The following TACC3 variants were observed in gnomAD, a reference collection of about 807,000 sequenced individuals.
TACC3 encodes transforming acidic coiled-coil containing protein 3, also known as transforming acidic coiled-coil-containing protein 3.
Under a neutral mutation model 86.0 loss-of-function variants are expected in TACC3, and 52 were observed. The observed-to-expected ratio is 0.60, with a 90% CI of 0.48 to 0.76. TACC3 has a LOEUF of 0.76. Ranked by LOEUF, TACC3 falls within the 30% of genes least tolerant of loss-of-function variation. The pLI is 0.00. For synonymous variants in TACC3, 512 were observed against 430.0 expected (o/e 1.19, Z -2.36); for missense variants, 1,120 against 1,070.4 (o/e 1.05, Z -0.65).
rs145995704 is a variant in TACC3, at chr4:1,728,566, C to T, written c.1164C>T (p.Ser388=). 140 of 1,613,922 alleles carry T rather than the reference C, an allele frequency of 8.7e-5. No individual in the cohort carries two copies. In the African/African-American group the frequency reaches 1.5e-3, roughly 18 times the overall value. Residue 388 remains serine (S), a synonymous_variant, in exon 4 of 16, where the codon AGC becomes AGT. Coordinates refer to ENST00000313288, the MANE Select transcript of TACC3 (RefSeq NM_006342.3). ...PQEVEEDDGR[S]GAGEDPPMPA... ...AGGTGGAGGAGGACGACGGTAGGAGCGGAGCAGGAGAGGACCCCCCCATGC... is the reference window on the plus strand; with the variant it reads ...AGGTGGAGGAGGACGACGGTAGGAGTGGAGCAGGAGAGGACCCCCCCATGC...
rs145515863 is a variant in TACC3, at chr4:1,728,323, C to T, written c.921C>T (p.His307=). Residue 307 remains histidine (H), a synonymous_variant, in exon 4 of 16, where the codon CAC becomes CAT. Coordinates refer to ENST00000313288, the MANE Select transcript of TACC3 (RefSeq NM_006342.3). ...CTGAGAGCACAGCCCCAACCAACCA[C>T]CTGGTGGCTGGCAGGGCCATGACCC... The part of the protein sequence containing the change: ...SAPESTAPTN[H]LVAGRAMTLS... 1.0e-4 allele frequency: 162 copies of T among 1,612,904 alleles called. 3 individuals carry two copies. In the South Asian group the frequency reaches 1.6e-3, roughly 16 times the overall value.
rs1376485465 is a variant in TACC3 at position 1,723,458 on chromosome 4, AATG to A, written c.39_41del (p.Asn13_Glu14delinsLys). The A allele has an allele frequency of 5.6e-6, 9 of 1,613,572 alleles. No individual in the cohort carries two copies. The highest frequency in any genetic ancestry group is 6.8e-6 in the Non-Finnish European group (8 of 1,179,974). The stretch of plus-strand genomic sequence containing the variant: ...GGTCTTAAACGACAAAAATGTCAGC[AATG>A]AAAAAAATACAGAAAATTGCGACTT... On this transcript the variant is annotated inframe_deletion, in exon 2 of 16. Transcript: ENST00000313288.
chr4:1,743,551 TA>T lies in TACC3; in HGVS notation c.2224-955del, dbSNP rs924737953. On this transcript the variant is annotated intron_variant, in intron 13 of 15. Coordinates refer to ENST00000313288, the MANE Select transcript of TACC3 (RefSeq NM_006342.3). ...CTGAGTGACAGAGTGAGTCTCCGTC[TA>T]AAAAAAAAAAACAGAAACTAGAAAA... Among the ~76,000 whole-genome samples the T allele has an allele frequency of 7.5e-4, 9 of 11,988 alleles. No individual in the cohort carries two copies. The East Asian group carries it at 0.11, about 143-fold the overall frequency. The allele number at this position is 11,988 out of a possible 152,430, so 7.9% of individuals were successfully genotyped here. A position where few individuals can be genotyped will look rare whatever the true frequency, so the allele number is the denominator to read the frequency against.
At chr4:1,739,168 C>T (rs879767019) in intron 10 of TACC3, among the ~76,000 whole-genome samples, 3 of 152,040 alleles carry the variant, frequency 2.0e-5, no homozygotes, top group Admixed American at 6.6e-5. Flanking sequence ...ATTAGCCGGG[C>T]GTGGTGGTGG....
At chr4:1,731,602 C>A (rs748476755) in intron 6 of TACC3, among the ~76,000 whole-genome samples, 2 of 152,112 alleles carry the variant, frequency 1.3e-5, no homozygotes, top group Non-Finnish European at 2.9e-5. Context: ...GAGTCAACAA[C>A]TGGATACTCG....
upstream of TACC3, chr4:1,721,358 G>T (rs1486035357): frequency 7.7e-6 from 1 of 129,706 alleles, no homozygotes; most frequent in Non-Finnish European, 1.7e-5. Flanking sequence ...AAACGGAACC[G>T]TCGGCGCCCG....
At chr4:1,744,359 A>C in intron 13 of TACC3, 159 bp from the exon 14 acceptor site, 3 of 645,242 alleles carry the variant, frequency 4.6e-6, no homozygotes, top group Non-Finnish European at 8.1e-6. Flanking sequence ...TGAGCTGGGA[A>C]CTTGTGTGAA....
Position 1,735,239 on chromosome 4 carries a change from G to T in TACC3, c.1592-34G>T, listed in dbSNP as rs775420885. On this transcript the variant is annotated intron_variant, in intron 6 of 15. Coordinates refer to ENST00000313288, the MANE Select transcript of TACC3 (RefSeq NM_006342.3). This position sits in a 1 kb window ranked among gnomAD's most constrained non-coding sequence, Gnocchi z 4.2. ...CCGCCGCCCTTAGGGCCCTGGTGAG[G>T]GGCGATGGCGGCGGCATGATTCACT... 6.2e-7 allele frequency: 1 copy of T among 1,613,598 alleles called. No individual in the cohort carries two copies. Among genetic ancestry groups the T allele is most frequent in the Admixed American group, 1.7e-5 (1 of 60,022 alleles).
upstream of TACC3, chr4:1,720,766 G>C: frequency 6.3e-7 from 1 of 1,591,212 alleles, no homozygotes; most frequent in Non-Finnish European, 8.5e-7. This position sits in a 1 kb window ranked among gnomAD's most constrained non-coding sequence, Gnocchi z 4.4. Context: ...CGTGGAACTC[G>C]TTGGGCGTGA....
intron 5 of TACC3, 98 bp from the exon 6 acceptor site, chr4:1,731,074 T>TCTCC: frequency 4.4e-6 from 7 of 1,593,012 alleles, no homozygotes; most frequent in Non-Finnish European, 6.0e-6. Context: ...TCCCGCTCCC[T>TCTCC]CTCCCCCAAG....
intron 4 of TACC3, chr4:1,730,335 C>T (rs1443466127): frequency 3.8e-5 from 8 of 211,030 alleles, no homozygotes; most frequent in Admixed American, 5.3e-5. Flanking sequence ...CCGCACCCGG[C>T]GTTTCCTAGG....
intron 1 of TACC3, among the ~76,000 whole-genome samples, chr4:1,722,201 GCCTC>G (rs1717427909): frequency 6.6e-6 from 1 of 152,110 alleles, no homozygotes; most frequent in African/African-American, 2.4e-5. Flanking sequence ...CCCCTCCCGG[GCCTC>G]CATAGTCAGT....
Position 1,744,703 on chromosome 4 carries a change from C to T in TACC3, c.2331-9C>T, listed in dbSNP as rs759777082. On this transcript the variant is annotated splice_polypyrimidine_tract_variant and intron_variant, in intron 14 of 15. Coordinates refer to ENST00000313288, the MANE Select transcript of TACC3 (RefSeq NM_006342.3). ...CAGCTCAGCCTCTGCCCCGCCCCTA[C>T]CCCTCCAGGGCAAACGAGGAGATCG... 44 of 1,612,380 alleles carry T rather than the reference C, an allele frequency of 2.7e-5. No individual in the cohort carries two copies. Among genetic ancestry groups the T allele is most frequent in the Non-Finnish European group, 3.1e-5 (36 of 1,179,898 alleles).
chr4:1,744,140 C>T (rs1220515272), intron 13 of TACC3, among the ~76,000 whole-genome samples: 3 of 152,198 alleles, frequency 2.0e-5, no homozygotes, highest in Non-Finnish European at 4.4e-5. Flanking sequence ...CTGCTGGCCT[C>T]CCCTGCCTGT....
Position 1,728,566 on chromosome 4 carries a change from C to G in TACC3, c.1164C>G (p.Ser388Arg), listed in dbSNP as rs145995704. ...AGGTGGAGGAGGACGACGGTAGGAGCGGAGCAGGAGAGGACCCCCCCATGC... is the reference window on the plus strand; with the variant it reads ...AGGTGGAGGAGGACGACGGTAGGAGGGGAGCAGGAGAGGACCCCCCCATGC... ...PQEVEEDDGR[S>R]GAGEDPPMPA... Residue 388 changes from serine to arginine, a missense_variant, in exon 4 of 16, where the codon AGC becomes AGG. Transcript: ENST00000313288. 6.2e-7 allele frequency: 1 copy of G among 1,613,922 alleles called. No individual in the cohort carries two copies. The highest frequency in any genetic ancestry group is 1.7e-5 in the Admixed American group (1 of 60,020).
upstream of TACC3, chr4:1,720,874 GC>G (rs1250099285): frequency 3.3e-6 from 5 of 1,538,390 alleles, no homozygotes; most frequent in Non-Finnish European, 8.8e-7. This position sits in a 1 kb window ranked among gnomAD's most constrained non-coding sequence, Gnocchi z 4.4. Context: ...CTAGGCCCCC[GC>G]CCCGGCGCGC....
In TACC3 at chr4:1,728,127, G is replaced by C. The variant is rs753773223; in HGVS notation, c.725G>C (p.Cys242Ser). 2 of 1,611,948 alleles carry C rather than the reference G, an allele frequency of 1.2e-6. No individual in the cohort carries two copies. The highest frequency in any genetic ancestry group is 1.7e-6 in the Non-Finnish European group (2 of 1,179,632). ...AEEECRHGGVCAPAAVATSPP... is the reference protein window; with the variant it reads ...AEEECRHGGVSAPAAVATSPP... ...GAGGAATGCCGGCACGGTGGGGTCT[G>C]TGCTCCCGCAGCAGTGGCCACTTCG... Residue 242 changes from cysteine to serine, a missense_variant, in exon 4 of 16, where the codon TGT becomes TCT. Cys to Ser is a moderately radical substitution (Grantham distance 112). Coordinates refer to ENST00000313288, the MANE Select transcript of TACC3 (RefSeq NM_006342.3).
intron 10 of TACC3, among the ~76,000 whole-genome samples, chr4:1,738,884 C>T (rs932811257): frequency 1.3e-5 from 2 of 151,860 alleles, no homozygotes; most frequent in Non-Finnish European, 2.9e-5. Context: ...GAGCAGGTGA[C>T]CGGGATGAGT....
intron 8 of TACC3, 62 bp from the exon 9 acceptor site, chr4:1,737,179 C>A: frequency 7.3e-7 from 1 of 1,362,886 alleles, no homozygotes; most frequent in Non-Finnish European, 1.0e-6. Flanking sequence ...CCACATGGTC[C>A]TCTGTGTCCT....
Sources: allele counts gnomAD v4.1 joint callset (sites outside exome capture counted in the v4.1 genomes callset), GRCh38; gene constraint gnomAD v4.1.1; non-coding constraint Gnocchi (gnomAD v3.1); transcripts MANE v1.5; gene names NCBI Gene and HGNC (gene_info 2026-07-23, HGNC 2026-07-21).